The following PIWIL2 variants were observed in gnomAD, a reference collection of about 807,000 sequenced individuals.
The protein encoded by PIWIL2 is piwi-like protein 2.
A neutral mutation model predicts 116.5 loss-of-function variants in PIWIL2; 81 were observed. The observed-to-expected ratio is 0.70, with a 90% CI of 0.58 to 0.84. PIWIL2 has a LOEUF of 0.84. PIWIL2 is among the 40% of genes least tolerant of loss of function. The pLI is 0.00. For missense variants in PIWIL2, 1,272 were observed against 1,212.3 expected (o/e 1.05, Z -0.73); for synonymous variants, 489 against 429.5 (o/e 1.14, Z -1.71).
rs774230525 is a variant in PIWIL2 at position 22,304,011 on chromosome 8, C to A, written c.1182-10C>A. 2 of 1,599,382 alleles carry A rather than the reference C, an allele frequency of 1.3e-6. No individual in the cohort carries two copies. The highest frequency in any genetic ancestry group is 1.7e-5 in the Admixed American group (1 of 58,810). ...ACTGTGATCCAAAAGTCTTTTATCT[C>A]TTTCCAAAGGCATGCCATTTATCAG... On this transcript the variant is annotated splice_polypyrimidine_tract_variant and intron_variant, in intron 10 of 22. Coordinates refer to ENST00000356766, the MANE Select transcript of PIWIL2 (RefSeq NM_018068.5).
At chr8:22,344,171 G>A (rs986442913) in intron 20 of PIWIL2, among the ~76,000 whole-genome samples, 1 of 152,190 alleles carries the variant, frequency 6.6e-6, no homozygotes, top group Non-Finnish European at 1.5e-5. Context: ...GCATTCTAGA[G>A]AATGCATAAA....
chr8:22,341,033 T>G (rs1204365560), intron 20 of PIWIL2, among the ~76,000 whole-genome samples: 3 of 152,110 alleles, frequency 2.0e-5, no homozygotes, highest in South Asian at 4.1e-4. Context: ...TCATAGAGCC[T>G]TTAGAGGAAG....
intron 20 of PIWIL2, among the ~76,000 whole-genome samples, chr8:22,334,131 A>T (rs1333121884): frequency 1.3e-5 from 2 of 151,352 alleles, no homozygotes; most frequent in African/African-American, 4.9e-5. Flanking sequence ...CCACCACCAC[A>T]CCTGGGTAAT....
chr8:22,294,899 G>GAAAAAAAAAAAAAAAAAAAAAA (rs375806332), intron 10 of PIWIL2, among the ~76,000 whole-genome samples: 1 of 79,452 alleles, frequency 1.3e-5, no homozygotes, highest in Non-Finnish European at 2.1e-5. Flanking sequence ...CATCTTTACT[G>GAAAAAAAAAAAAAAAAAAAAAA]GAAAAAAAAA....
At chr8:22,344,723 T>C (rs1339542961) in intron 20 of PIWIL2, among the ~76,000 whole-genome samples, 2 of 151,738 alleles carry the variant, frequency 1.3e-5, no homozygotes, top group African/African-American at 4.8e-5. Context: ...AAAATGAAAA[T>C]AAATTATCTG....
chr8:22,356,666 C>T lies in PIWIL2; in HGVS notation c.*1161C>T, dbSNP rs2132120692. 1 of 152,226 alleles carries T rather than the reference C, an allele frequency of 6.6e-6. No individual in the cohort carries two copies. The highest frequency in any genetic ancestry group is 2.1e-4 in the South Asian group (1 of 4,824). 9.4% of individuals were successfully genotyped at this position (152,226 alleles called of 1,614,324 possible). A position where few individuals can be genotyped will look rare whatever the true frequency, so the allele number is the denominator to read the frequency against. On this transcript the variant is annotated 3_prime_UTR_variant, in exon 23 of 23. Coordinates refer to ENST00000356766, the MANE Select transcript of PIWIL2 (RefSeq NM_018068.5). ...TTATATATGTTTGTAAATGGAATTACCCCCTTTCTCTTGCAAAATAACCGC... is the reference window on the plus strand; with the variant it reads ...TTATATATGTTTGTAAATGGAATTATCCCCTTTCTCTTGCAAAATAACCGC...
chr8:22,338,698 A>AT (rs1352195671), intron 20 of PIWIL2, among the ~76,000 whole-genome samples: 1 of 133,444 alleles, frequency 7.5e-6, no homozygotes, highest in Non-Finnish European at 1.7e-5. Context: ...TCAAAAATAA[A>AT]TAAATAAATA....
At chr8:22,349,417 GTGTATATATATATA>G (rs986771324) in intron 20 of PIWIL2, among the ~76,000 whole-genome samples, 9 of 134,598 alleles carry the variant, frequency 6.7e-5, no homozygotes, top group Non-Finnish European at 1.4e-4. Context: ...ATATGTGTGT[GTGTATATATATATA>G]TATATATATA....
chr8:22,284,338 A>G, intron 6 of PIWIL2, 66 bp downstream of exon 6: 2 of 773,018 alleles, frequency 2.6e-6, no homozygotes, highest in Non-Finnish European at 4.3e-6. Context: ...GTTCCCCTGG[A>G]ATAACTGAAT....
intron 1 of PIWIL2, 69 bp from the exon 2 acceptor site, chr8:22,279,272 G>T: frequency 1.2e-6 from 1 of 805,566 alleles, no homozygotes; most frequent in Non-Finnish European, 2.1e-6. Flanking sequence ...CTATTTTAAT[G>T]CTTTGTGAGT....
chr8:22,304,930 A>G, intron 12 of PIWIL2, 62 bp downstream of exon 12: 1 of 1,123,570 alleles, frequency 8.9e-7, no homozygotes, highest in Non-Finnish European at 1.4e-6. Flanking sequence ...AGCTGCTTTT[A>G]GCCGTCCTCA....
rs995598010 is a variant in PIWIL2 at position 22,335,567 on chromosome 8, A to G, written c.2403+17292A>G. Among the ~76,000 whole-genome samples the G allele has an allele frequency of 2.3e-3, 168 of 74,650 alleles. No homozygotes were observed. In the Middle Eastern group the frequency reaches 0.037, roughly 16 times the overall value. The allele number at this position is 74,650 out of a possible 152,430, so 49.0% of individuals were successfully genotyped here. ...ACTTTTTTTTTTTTTTTTTTTTTTGAGACGCAGTCTTGCTCTGTTGCTCAG... is the reference window on the plus strand; with the variant it reads ...ACTTTTTTTTTTTTTTTTTTTTTTGGGACGCAGTCTTGCTCTGTTGCTCAG... On this transcript the variant is annotated intron_variant, in intron 20 of 22. Transcript: ENST00000356766.
At chr8:22,299,981 C>A (rs1451238215) in intron 10 of PIWIL2, among the ~76,000 whole-genome samples, 1 of 151,960 alleles carries the variant, frequency 6.6e-6, no homozygotes. Flanking sequence ...TCCCTGTCAC[C>A]CAGGCTGGAG....
chr8:22,303,483 C>G (rs1831101061), intron 10 of PIWIL2, among the ~76,000 whole-genome samples: 1 of 152,152 alleles, frequency 6.6e-6, no homozygotes, highest in South Asian at 2.1e-4. Flanking sequence ...CCTCAAACTC[C>G]TGGGTTCAAG....
At chr8:22,290,209 A>C in intron 9 of PIWIL2, 24 bp from the exon 10 acceptor site, 2 of 1,432,928 alleles carry the variant, frequency 1.4e-6, no homozygotes, top group Non-Finnish European at 2.0e-6. Context: ...AAAATCCTAC[A>C]GTTGAGACCA....
intron 20 of PIWIL2, among the ~76,000 whole-genome samples, chr8:22,331,745 C>T (rs764490505): frequency 3.3e-5 from 5 of 152,068 alleles, no homozygotes; most frequent in Admixed American, 6.5e-5. Flanking sequence ...TTGGCAGAGT[C>T]GGTTTCTTTT....
intron 10 of PIWIL2, among the ~76,000 whole-genome samples, chr8:22,303,777 C>A (rs80091343): frequency 1.3e-5 from 2 of 152,042 alleles, no homozygotes; most frequent in African/African-American, 4.8e-5. Context: ...TAAGGTATCA[C>A]TATGTTGCCC....
chr8:22,326,847 G>T (rs538618377), intron 20 of PIWIL2, among the ~76,000 whole-genome samples: 2 of 151,926 alleles, frequency 1.3e-5, no homozygotes, highest in African/African-American at 4.8e-5. Context: ...AGTTCTTTTT[G>T]ATATATACCT....
At chr8:22,353,792 T>TTTTTTTTTTTG (rs1832428412) in intron 21 of PIWIL2, among the ~76,000 whole-genome samples, 1 of 135,740 alleles carries the variant, frequency 7.4e-6, no homozygotes, top group African/African-American at 2.7e-5. Context: ...TTTTTTTTTT[T>TTTTTTTTTTTG]GAGGCAGGGT....
Sources: gnomAD v4.1 joint callset for allele counts (sites outside exome capture counted in the v4.1 genomes callset) on GRCh38, gnomAD v4.1.1 for gene constraint, MANE v1.5 for transcripts, NCBI Gene and HGNC (gene_info 2026-07-23, HGNC 2026-07-21) for gene names.